The following SPPL2A variants were observed in gnomAD, a reference collection of about 807,000 sequenced individuals.
SPPL2A encodes the protein signal peptide peptidase-like 2A.
Under a neutral mutation model 63.8 loss-of-function variants are expected in SPPL2A, and 51 were observed. That is an observed-to-expected ratio of 0.80 (90% confidence interval 0.64 to 1.01). The LOEUF is 1.01. Ranked by LOEUF, SPPL2A falls within the 50% of genes least tolerant of loss-of-function variation. The pLI is 0.00. For synonymous variants in SPPL2A, 188 were observed against 205.8 expected, an observed-to-expected ratio of 0.91 and a Z score of 0.74; for missense variants, 553 against 622.7, an observed-to-expected ratio of 0.89 and a Z score of 1.19.
Position 50,704,619 on chromosome 15 carries a change from T to TA in SPPL2A, c.*3180dup, listed in dbSNP as rs1350170567. 1.3e-5 allele frequency: 2 copies of TA among 152,232 alleles called. No homozygotes were observed. The highest frequency in any genetic ancestry group is 2.1e-4 in the South Asian group (1 of 4,816). 9.4% of individuals were successfully genotyped at this position (152,232 alleles called of 1,614,324 possible). On this transcript the variant is annotated 3_prime_UTR_variant, in exon 15 of 15. Coordinates refer to ENST00000261854, the MANE Select transcript of SPPL2A (RefSeq NM_032802.4). ...GGAAAAAACCAGCTTCTCTTCCCCT[T>TA]AAAGTTATTGGTGGTGGGAGGGCAA...
At chr15:50,726,579 T>C (rs978321462) in intron 10 of SPPL2A, among the ~76,000 whole-genome samples, 1 of 152,252 alleles carries the variant, frequency 6.6e-6, no homozygotes, top group Non-Finnish European at 1.5e-5. Flanking sequence ...GTTGCTCCAC[T>C]TTATCAGAGC....
rs1289066007 is a variant in SPPL2A at position 50,703,352 on chromosome 15, A to ATTTTT, written c.*4447_*4448insAAAAA. 62 of 63,364 alleles carry ATTTTT rather than the reference A, an allele frequency of 9.8e-4. 1 individual carries two copies. Among genetic ancestry groups the ATTTTT allele is most frequent in the Non-Finnish European group, 1.4e-3 (46 of 32,204 alleles). The allele number at this position is 63,364 out of a possible 1,614,324, so 3.9% of individuals were successfully genotyped here. ...TATATATATATATATATATACATATATATATTTTTTTTTTTTTTTTTTTTT... is the reference window on the plus strand; with the variant it reads ...TATATATATATATATATATACATATATTTTTTATATTTTTTTTTTTTTTTTTTTTT... On this transcript the variant is annotated 3_prime_UTR_variant, in exon 15 of 15. Coordinates refer to ENST00000261854, the MANE Select transcript of SPPL2A (RefSeq NM_032802.4).
At chr15:50,738,314 C>T (rs1321648155) in intron 6 of SPPL2A, among the ~76,000 whole-genome samples, 1 of 152,066 alleles carries the variant, frequency 6.6e-6, no homozygotes, top group Non-Finnish European at 1.5e-5. Context: ...TTTGGGAGGC[C>T]AAGGCAGGTG....
intron 1 of SPPL2A, among the ~76,000 whole-genome samples, chr15:50,760,833 T>C (rs988562230): frequency 5.9e-5 from 9 of 152,250 alleles, no homozygotes; most frequent in East Asian, 3.9e-4. Flanking sequence ...AGAGAAAGAA[T>C]TGAAGAATCT....
chr15:50,763,694 C>T (rs925334400), intron 1 of SPPL2A, among the ~76,000 whole-genome samples: 2 of 152,022 alleles, frequency 1.3e-5, no homozygotes, highest in African/African-American at 4.8e-5. Context: ...GTCAGGAGTT[C>T]GAGACCAGCC....
At chr15:50,757,215 T>C (rs2062966562) in intron 1 of SPPL2A, among the ~76,000 whole-genome samples, 1 of 151,858 alleles carries the variant, frequency 6.6e-6, no homozygotes, top group Non-Finnish European at 1.5e-5. Flanking sequence ...CCCGAGTAGC[T>C]GGGACTACAG....
rs554789563 is a variant in SPPL2A at position 50,753,026 on chromosome 15, T to C, written c.67-3280A>G. On this transcript the variant is annotated intron_variant, in intron 1 of 14. Coordinates refer to ENST00000261854, the MANE Select transcript of SPPL2A (RefSeq NM_032802.4). ...ATGCAAAAGCACAAAAATAAATGTATAAGGATATTAACTGTAATATTGTAT... is the reference window on the plus strand; with the variant it reads ...ATGCAAAAGCACAAAAATAAATGTACAAGGATATTAACTGTAATATTGTAT... Among the ~76,000 whole-genome samples the C allele has an allele frequency of 3.2e-4, 48 of 152,274 alleles. 1 individual carries two copies. The Middle Eastern group carries it at 0.01, about 32-fold the overall frequency.
intron 1 of SPPL2A, among the ~76,000 whole-genome samples, chr15:50,753,703 A>G (rs554143152): frequency 6.6e-6 from 1 of 152,356 alleles, no homozygotes; most frequent in Admixed American, 6.5e-5. Flanking sequence ...AAAGAAATAC[A>G]AAAGATTAAT....
intron 1 of SPPL2A, among the ~76,000 whole-genome samples, chr15:50,758,599 A>AT (rs992630646): frequency 6.6e-6 from 1 of 152,050 alleles, no homozygotes; most frequent in African/African-American, 2.4e-5. Context: ...AAGGGCTGCA[A>AT]TTATAGGCGT....
At chr15:50,709,933 GA>G (rs2062543524) in intron 14 of SPPL2A, among the ~76,000 whole-genome samples, 1 of 151,988 alleles carries the variant, frequency 6.6e-6, no homozygotes, top group African/African-American at 2.4e-5. Context: ...ATTCTAAGGG[GA>G]AAAAAACAAA....
intron 1 of SPPL2A, among the ~76,000 whole-genome samples, chr15:50,761,352 C>T (rs985960733): frequency 2.6e-5 from 4 of 152,168 alleles, no homozygotes; most frequent in South Asian, 2.1e-4. Flanking sequence ...CACGGTGGCT[C>T]ACACCTGCAA....
In SPPL2A at chr15:50,726,386, G is replaced by T. The variant is rs775207912; in HGVS notation, c.1090-9C>A. On this transcript the variant is annotated splice_polypyrimidine_tract_variant and intron_variant, in intron 10 of 14. Transcript: ENST00000261854. ...ATGATACTCTCACCATTCTAAAATTGAGAAGGAAAAGAAGTTGTCTAATCA... is the reference window on the plus strand; with the variant it reads ...ATGATACTCTCACCATTCTAAAATTTAGAAGGAAAAGAAGTTGTCTAATCA... 4 of 1,612,792 alleles carry T rather than the reference G, an allele frequency of 2.5e-6. No individual in the cohort carries two copies. The Admixed American group carries it at 6.7e-5, about 27-fold the overall frequency.
intron 14 of SPPL2A, among the ~76,000 whole-genome samples, chr15:50,711,114 A>G (rs973398544): frequency 1.3e-5 from 2 of 152,156 alleles, no homozygotes; most frequent in African/African-American, 2.4e-5. Flanking sequence ...TAGCTCTTGA[A>G]GCATTCCACA....
At chr15:50,742,849 A>G (rs1404295232) in intron 5 of SPPL2A, 1 of 152,174 alleles carries the variant, frequency 6.6e-6, no homozygotes, top group Non-Finnish European at 1.5e-5. Flanking sequence ...AAAAAAGCTG[A>G]TATGTACTCC....
At chr15:50,759,091 G>A (rs2062987201) in intron 1 of SPPL2A, among the ~76,000 whole-genome samples, 1 of 151,822 alleles carries the variant, frequency 6.6e-6, no homozygotes, top group South Asian at 2.1e-4. Flanking sequence ...TTTAAAGATG[G>A]GGTCTTACTA....
At chr15:50,746,664 CTTT>C (rs35816281) in intron 5 of SPPL2A, 18,221 of 116,366 alleles carry the variant, frequency 0.16, 1,296 homozygotes, top group East Asian at 0.42. Context: ...TAATTATTTA[CTTT>C]TTTTTTTTTT....
chr15:50,709,521 G>T (rs2062540337), intron 14 of SPPL2A, among the ~76,000 whole-genome samples: 1 of 152,192 alleles, frequency 6.6e-6, no homozygotes, highest in African/African-American at 2.4e-5. Context: ...GCCGGGCGCG[G>T]TGGCTCACGC....
At chr15:50,714,763 C>T (rs759461297) in intron 14 of SPPL2A, among the ~76,000 whole-genome samples, 3 of 151,342 alleles carry the variant, frequency 2.0e-5, no homozygotes, top group Non-Finnish European at 4.4e-5. Flanking sequence ...GCTAACATGG[C>T]GAAATACTGT....
chr15:50,719,082 A>T (rs1156402487), intron 14 of SPPL2A, among the ~76,000 whole-genome samples: 1 of 152,188 alleles, frequency 6.6e-6, no homozygotes, highest in African/African-American at 2.4e-5. Context: ...AGGGGGAAAA[A>T]AAAGAAAAGG....
Sources: gnomAD v4.1 joint callset for allele counts (sites outside exome capture counted in the v4.1 genomes callset) on GRCh38, gnomAD v4.1.1 for gene constraint, MANE v1.5 for transcripts, NCBI Gene and HGNC (gene_info 2026-07-23, HGNC 2026-07-21) for gene names.